CACNA1D: variants seen among roughly 807,000 people sequenced by gnomAD.
CACNA1D encodes the protein voltage-dependent L-type calcium channel subunit alpha-1D.
Under a neutral mutation model 257.1 loss-of-function variants are expected in CACNA1D, and 55 were observed. The observed-to-expected ratio is 0.21, with a 90% CI of 0.17 to 0.27. The LOEUF is 0.27. CACNA1D is among the 10% of genes least tolerant of loss of function. The probability of loss-of-function intolerance (pLI) is 1.00; values close to 1 mark genes in which losing one functional copy is unlikely to be tolerated. For synonymous variants in CACNA1D, 980 were observed against 1,014.9 expected (o/e 0.97, Z 0.65); for missense variants, 1,876 against 2,784.0 (o/e 0.67, Z 7.34).
rs146322304 is a variant in CACNA1D, at chr3:53,691,131, T to C, written c.1221-11510T>C. The stretch of plus-strand genomic sequence containing the variant: ...GAGTGATGGCAGAAAAGAGAGCCCA[T>C]GGTTTTGAAGAATACCTCTTTTTTT... On this transcript the variant is annotated intron_variant, in intron 8 of 47. Transcript: ENST00000350061. Among the ~76,000 whole-genome samples, 750 of 151,752 alleles carry C rather than the reference T, an allele frequency of 4.9e-3. 24 individuals carry two copies. The highest frequency in any genetic ancestry group is 0.044 in the Admixed American group (666 of 15,210).
At chr3:53,725,436 A>G (rs2094926385) in intron 14 of CACNA1D, among the ~76,000 whole-genome samples, 1 of 152,218 alleles carries the variant, frequency 6.6e-6, no homozygotes, top group Non-Finnish European at 1.5e-5. Context: ...ATCAGAGGGC[A>G]CATGTGTTGG....
At chr3:53,560,795 A>G (rs1300962748) in intron 3 of CACNA1D, among the ~76,000 whole-genome samples, 2 of 152,238 alleles carry the variant, frequency 1.3e-5, no homozygotes, top group African/African-American at 4.8e-5. Context: ...GTAGTGGGCC[A>G]GATTTCGCCC....
chr3:53,686,540 A>T (rs945616187), intron 8 of CACNA1D, among the ~76,000 whole-genome samples: 17 of 152,106 alleles, frequency 1.1e-4, no homozygotes, highest in African/African-American at 4.1e-4. Flanking sequence ...TTGGAAAATC[A>T]AATAATTTAC....
At chr3:53,591,555 A>G (rs1209656634) in intron 3 of CACNA1D, among the ~76,000 whole-genome samples, 1 of 152,058 alleles carries the variant, frequency 6.6e-6, no homozygotes, top group Non-Finnish European at 1.5e-5. Flanking sequence ...CACCCAGCCC[A>G]CCTCCTCTTT....
At chr3:53,772,939 G>T in intron 33 of CACNA1D, 41 bp downstream of exon 33, 1 of 1,535,554 alleles carries the variant, frequency 6.5e-7, no homozygotes, top group Non-Finnish European at 9.0e-7. Flanking sequence ...CCTTTCACTG[G>T]GTAGCCCCAA....
At chr3:53,701,347 T>G (rs1334580347) in intron 8 of CACNA1D, among the ~76,000 whole-genome samples, 1 of 152,208 alleles carries the variant, frequency 6.6e-6, no homozygotes, top group Non-Finnish European at 1.5e-5. Flanking sequence ...TTGACCAGGC[T>G]GGTCTCAAAC....
At chr3:53,530,499 C>T (rs1338031910) in intron 3 of CACNA1D, 3 of 152,216 alleles carry the variant, frequency 2.0e-5, no homozygotes, top group Non-Finnish European at 2.9e-5. Flanking sequence ...TTTAGAAAGA[C>T]CTCCACTATT....
At chr3:53,693,619 T>C (rs1173516146) in intron 8 of CACNA1D, among the ~76,000 whole-genome samples, 1 of 152,198 alleles carries the variant, frequency 6.6e-6, no homozygotes, top group Non-Finnish European at 1.5e-5. Context: ...GGAAATAATT[T>C]AGGTCTAAAG....
chr3:53,739,117 C>A (rs1433413100), intron 20 of CACNA1D, among the ~76,000 whole-genome samples: 1 of 152,152 alleles, frequency 6.6e-6, no homozygotes, highest in Non-Finnish European at 1.5e-5. Flanking sequence ...GTGACACAGC[C>A]CCCAGGCGAC....
chr3:53,498,705 A>G (rs2090453500), intron 2 of CACNA1D, among the ~76,000 whole-genome samples: 1 of 152,198 alleles, frequency 6.6e-6, no homozygotes, highest in African/African-American at 2.4e-5. Flanking sequence ...CTCGGCAGCT[A>G]TTTGCATGCC....
At chr3:53,578,511 A>AGT (rs2093077243) in intron 3 of CACNA1D, among the ~76,000 whole-genome samples, 2 of 152,140 alleles carry the variant, frequency 1.3e-5, no homozygotes, top group African/African-American at 4.8e-5. Flanking sequence ...TAAGGGGTCG[A>AGT]GTGAGGGCGT....
At chr3:53,543,820 C>G (rs958819989) in intron 3 of CACNA1D, among the ~76,000 whole-genome samples, 2 of 152,136 alleles carry the variant, frequency 1.3e-5, no homozygotes, top group Non-Finnish European at 2.9e-5. Context: ...ATCAGCCTAA[C>G]AGATCTGAAC....
At chr3:53,604,516 C>T (rs2093483016) in intron 3 of CACNA1D, among the ~76,000 whole-genome samples, 1 of 151,946 alleles carries the variant, frequency 6.6e-6, no homozygotes, top group Non-Finnish European at 1.5e-5. Flanking sequence ...TCCCCACCCA[C>T]CCCTGCCCTG....
At chr3:53,508,128 G>A (rs1014058457) in intron 3 of CACNA1D, among the ~76,000 whole-genome samples, 1 of 152,168 alleles carries the variant, frequency 6.6e-6, no homozygotes, top group East Asian at 1.9e-4. Context: ...ATGTGGGGAC[G>A]TGCATTTCTT....
In CACNA1D at chr3:53,660,256, A is replaced by C. The variant is rs763229473; in HGVS notation, c.747A>C (p.Arg249=). ...CCTTTCGAGTGTTGCGACCACTTCG[A>C]CTAGTGTCAGGAGTGCCCAGTAAGC... is the stretch of plus-strand genomic sequence containing the variant. ...LRAFRVLRPL[R]LVSGVPSLQV... The change falls in exon 5 of 48, where the codon CGA becomes CGC. Residue 249 remains arginine (R), a synonymous_variant. Coordinates refer to ENST00000350061, the MANE Select transcript of CACNA1D (RefSeq NM_001128840.3). 1 of 1,614,002 alleles carries C rather than the reference A, an allele frequency of 6.2e-7. No individual in the cohort carries two copies. The highest frequency in any genetic ancestry group is 1.3e-5 in the African/African-American group (1 of 74,916).
rs1189087687 is a variant in CACNA1D, at chr3:53,673,865, G to A, written c.1220+739G>A. ...ACCTTCTCCTGCTGCCACGTGTGAG[G>A]CAACTCTGCGTGTCTCCTAGCTGCT... On this transcript the variant is annotated intron_variant, in intron 8 of 47. Transcript: ENST00000350061. This position sits in a 1 kb window ranked among gnomAD's most constrained non-coding sequence, Gnocchi z 4.1. The A allele has an allele frequency of 1.7e-6, 2 of 1,165,690 alleles. No individual in the cohort carries two copies. Among genetic ancestry groups the A allele is most frequent in the South Asian group, 2.4e-5 (2 of 82,046 alleles). 72.2% of individuals were successfully genotyped at this position (1,165,690 alleles called of 1,614,324 possible).
chr3:53,520,849 C>CCTTTCTTTCTTTCTTT (rs71074924), intron 3 of CACNA1D, among the ~76,000 whole-genome samples: 1,845 of 132,960 alleles, frequency 0.014, 27 homozygotes, highest in Middle Eastern at 0.019. Context: ...TTTGCAAACT[C>CCTTTCTTTCTTTCTTT]CTTTCTTTCT....
intron 3 of CACNA1D, among the ~76,000 whole-genome samples, chr3:53,550,325 C>T (rs116347004): frequency 1.1e-4 from 16 of 152,292 alleles, no homozygotes; most frequent in African/African-American, 3.8e-4. Context: ...TACCCTGGAA[C>T]CACCAAGCAG....
At chr3:53,589,894 G>T (rs2093277802) in intron 3 of CACNA1D, among the ~76,000 whole-genome samples, 1 of 152,180 alleles carries the variant, frequency 6.6e-6, no homozygotes, top group Non-Finnish European at 1.5e-5. Context: ...GGTTTGGGTG[G>T]CTGTTTCAGC....
Sources: gnomAD v4.1 joint callset for allele counts (sites outside exome capture counted in the v4.1 genomes callset) on GRCh38, gnomAD v4.1.1 for gene constraint, Gnocchi (gnomAD v3.1) non-coding constraint, MANE v1.5 for transcripts, NCBI Gene and HGNC (gene_info 2026-07-23, HGNC 2026-07-21) for gene names.